The following NET1 variants were observed in gnomAD, a reference collection of about 807,000 sequenced individuals.
NET1 encodes neuroepithelial cell-transforming gene 1 protein.
NET1 carries 42 observed loss-of-function variants against 61.1 expected under a neutral mutation model. That is an observed-to-expected ratio of 0.69 (90% CI 0.54 to 0.89). The LOEUF (loss-of-function observed/expected upper bound fraction) is 0.89. Among genes scored for constraint, NET1 ranks in the 40% least tolerant of loss-of-function variants. NET1 has a pLI of 0.00. For synonymous variants in NET1, 254 were observed against 281.8 expected, an observed-to-expected ratio of 0.90 and a Z score of 0.99; for missense variants, 654 against 747.3, an observed-to-expected ratio of 0.88 and a Z score of 1.46.
In NET1 at chr10:5,454,893, G is replaced by T. The variant is rs1262625935; in HGVS notation, c.1027-55G>T. ...ATATGACATTTTTGCTCTGCAGGAAGCAGAATGAGTTAATAAACTGAAGCT... is the reference window on the plus strand; with the variant it reads ...ATATGACATTTTTGCTCTGCAGGAATCAGAATGAGTTAATAAACTGAAGCT... On this transcript the variant is annotated intron_variant, in intron 9 of 11. Transcript: ENST00000355029. The surrounding 1 kb of genome is among the most constrained non-coding windows in gnomAD (Gnocchi z 8.1). 1 of 1,551,112 alleles carries T rather than the reference G, an allele frequency of 6.4e-7. No homozygotes were observed.
Position 5,446,613 on chromosome 10 carries a change from G to T in NET1, c.256-5217G>T. The T allele has an allele frequency of 8.1e-7, 1 of 1,241,440 alleles. No homozygotes were observed. The highest frequency in any genetic ancestry group is 1.0e-6 in the Non-Finnish European group (1 of 989,324). 76.9% of individuals were successfully genotyped at this position (1,241,440 alleles called of 1,614,324 possible). ...TGCTTGCTGCCTGCGGCTCTCAGAA[G>T]CCTCTGCTCCACCGCGGCGAGAGGC... On this transcript the variant is annotated intron_variant, in intron 3 of 11. Transcript: ENST00000355029. The surrounding 1 kb of genome is among the most constrained non-coding windows in gnomAD (Gnocchi z 5.0).
rs144859001 is a variant in NET1 at position 5,437,998 on chromosome 10, ACAAT to A, written c.255+8774_255+8777del. ...TGGAAATTAAACAACACATTATTAA[ACAAT>A]CAATGAGTCAAAACAAATCACAAAG... On this transcript the variant is annotated intron_variant, in intron 3 of 11. Transcript: ENST00000355029. This position sits in a 1 kb window ranked among gnomAD's most constrained non-coding sequence, Gnocchi z 4.3. Among the ~76,000 whole-genome samples the A allele has an allele frequency of 0.026, 3,896 of 152,332 alleles. 180 individuals are homozygous for A. The highest frequency in any genetic ancestry group is 0.19 in the East Asian group (969 of 5,182).
chr10:5,412,858 G>A lies in NET1; in HGVS notation c.128+38G>A, dbSNP rs1832020050. Reference sequence around the variant, plus strand: ...GAGGGGAGGGCCGAACGGGAGGTGAGTGTAGGGGAGCGGAGGGCCGAACGG... The same window carrying A: ...GAGGGGAGGGCCGAACGGGAGGTGAATGTAGGGGAGCGGAGGGCCGAACGG... On this transcript the variant is annotated intron_variant, in intron 1 of 11. Transcript: ENST00000355029. The surrounding 1 kb of genome is among the most constrained non-coding windows in gnomAD (Gnocchi z 6.5). 7.6e-7 allele frequency: 1 copy of A among 1,313,736 alleles called. No homozygotes were observed. The highest frequency in any genetic ancestry group is 9.8e-7 in the Non-Finnish European group (1 of 1,023,984). 81.4% of individuals were successfully genotyped at this position (1,313,736 alleles called of 1,614,324 possible).
At chr10:5,436,185 GT>G (rs367798187) in intron 3 of NET1, among the ~76,000 whole-genome samples, 1,640 of 8,832 alleles carry the variant, frequency 0.19, 21 homozygotes, top group East Asian at 0.45. Flanking sequence ...GTGTGTGTGT[GT>G]TGTGTGTGTG....
At position 5,415,550 on chromosome 10, in the gene NET1, C is replaced by G. The variant is rs1365553974; in HGVS notation, c.128+2730C>G. On this transcript the variant is annotated intron_variant, in intron 1 of 11. Coordinates refer to ENST00000355029, the MANE Select transcript of NET1 (RefSeq NM_001047160.3). This position sits in a 1 kb window ranked among gnomAD's most constrained non-coding sequence, Gnocchi z 4.7. ...CGCCTCCCGGGTTCAAGTGATTCTC[C>G]TGCCTCAGCCTACCAAGTAGCTGGA... Among the ~76,000 whole-genome samples, 1 of 152,032 alleles carries G rather than the reference C, an allele frequency of 6.6e-6. No individual in the cohort carries two copies. The highest frequency in any genetic ancestry group is 1.5e-5 in the Non-Finnish European group (1 of 68,006).
chr10:5,448,662 G>A (rs1312379602), intron 3 of NET1, among the ~76,000 whole-genome samples: 1 of 97,870 alleles, frequency 1.0e-5, no homozygotes, highest in Non-Finnish European at 1.9e-5. Context: ...TTATTCCCAT[G>A]GATTTTTGGA....
rs550286010 is a variant in NET1, at chr10:5,447,985, C to A, written c.256-3845C>A. On this transcript the variant is annotated intron_variant, in intron 3 of 11. Transcript: ENST00000355029. This position sits in a 1 kb window ranked among gnomAD's most constrained non-coding sequence, Gnocchi z 4.1. Reference sequence around the variant, plus strand: ...GTTACAAGCACTAGGAATGTTGTCACGGTTTTAGATCTAGTGACACAGCTC... The same window carrying A: ...GTTACAAGCACTAGGAATGTTGTCAAGGTTTTAGATCTAGTGACACAGCTC... Among the ~76,000 whole-genome samples, 1 of 152,150 alleles carries A rather than the reference C, an allele frequency of 6.6e-6. No individual in the cohort carries two copies.
chr10:5,452,796 C>G lies in NET1; in HGVS notation c.532-62C>G. The stretch of plus-strand genomic sequence containing the variant: ...TCAAAACATCAAATAATGTAATTAT[C>G]AGTTGTATATAATTTTCCTTTCTCG... On this transcript the variant is annotated intron_variant, in intron 5 of 11. Coordinates refer to ENST00000355029, the MANE Select transcript of NET1 (RefSeq NM_001047160.3). The surrounding 1 kb of genome is among the most constrained non-coding windows in gnomAD (Gnocchi z 4.0). 1.5e-6 allele frequency: 2 copies of G among 1,356,520 alleles called. No homozygotes were observed. The highest frequency in any genetic ancestry group is 2.1e-6 in the Non-Finnish European group (2 of 963,602). The allele number at this position is 1,356,520 out of a possible 1,614,324, so 84.0% of individuals were successfully genotyped here.
intron 3 of NET1, among the ~76,000 whole-genome samples, chr10:5,445,257 G>A (rs1275042701): frequency 6.6e-6 from 1 of 151,918 alleles, no homozygotes; most frequent in African/African-American, 2.4e-5. Context: ...ATTCAAGGCC[G>A]CACAGACATA....
intron 3 of NET1, among the ~76,000 whole-genome samples, chr10:5,445,921 A>G (rs902874848): frequency 1.3e-5 from 2 of 152,222 alleles, no homozygotes; most frequent in South Asian, 2.1e-4. Flanking sequence ...TGTATACAAT[A>G]TAGAGAACAG....
Position 5,426,623 on chromosome 10 carries a change from CTT to C in NET1, c.129-30_129-29del. 2 of 1,537,974 alleles carry C rather than the reference CTT, an allele frequency of 1.3e-6. No individual in the cohort carries two copies. The highest frequency in any genetic ancestry group is 2.3e-5 in the South Asian group (2 of 86,662). On this transcript the variant is annotated intron_variant, in intron 1 of 11. Coordinates refer to ENST00000355029, the MANE Select transcript of NET1 (RefSeq NM_001047160.3). This position sits in a 1 kb window ranked among gnomAD's most constrained non-coding sequence, Gnocchi z 4.6. ...TGCTCTATTATGCTAAAGTCAATCT[CTT>C]TATTTATTGTTTGAATTTTCCATTA...
rs1232787096 is a variant in NET1 at position 5,419,733 on chromosome 10, G to GTTT, written c.128+6916_129-6917dup. Among the ~76,000 whole-genome samples, 3 of 151,828 alleles carry GTTT rather than the reference G, an allele frequency of 2.0e-5. No individual in the cohort carries two copies. The East Asian group carries it at 5.8e-4, about 29-fold the overall frequency. The stretch of plus-strand genomic sequence containing the variant: ...TGTTGTTGTTGTTGTTGTTGTTGTT[G>GTTT]TTTTTATGGGAATGTCTTTGTTTCT... On this transcript the variant is annotated intron_variant, in intron 1 of 11. Transcript: ENST00000355029.
Position 5,435,303 on chromosome 10 carries a change from T to A in NET1, c.255+6074T>A, listed in dbSNP as rs1832409977. On this transcript the variant is annotated intron_variant, in intron 3 of 11. Coordinates refer to ENST00000355029, the MANE Select transcript of NET1 (RefSeq NM_001047160.3). This position sits in a 1 kb window ranked among gnomAD's most constrained non-coding sequence, Gnocchi z 5.0. ...AGGTGATTCTCATGTATAGCTAGAG[T>A]TAAAAACTAGAATGTGACATTCTTA... 6.6e-6 allele frequency among the ~76,000 whole-genome samples: 1 copy of A among 152,186 alleles called. No homozygotes were observed. Among genetic ancestry groups the A allele is most frequent in the Admixed American group, 6.5e-5 (1 of 15,278 alleles).
chr10:5,454,550 GTTT>G lies in NET1; in HGVS notation c.1026+32_1026+34del. On this transcript the variant is annotated intron_variant, in intron 9 of 11. Transcript: ENST00000355029. This position sits in a 1 kb window ranked among gnomAD's most constrained non-coding sequence, Gnocchi z 8.1. ...AAGTAGTCCCTTAAGTGATTGTTTT[GTTT>G]TTTAAGTTTATACATTAGGCTGCTT... The G allele has an allele frequency of 1.3e-6, 2 of 1,592,204 alleles. No individual in the cohort carries two copies. Among genetic ancestry groups the G allele is most frequent in the South Asian group, 1.1e-5 (1 of 87,098 alleles).
chr10:5,413,876 G>A (rs1254887312), intron 1 of NET1, among the ~76,000 whole-genome samples: 3 of 152,172 alleles, frequency 2.0e-5, no homozygotes, highest in African/African-American at 7.2e-5. Flanking sequence ...TTATAATCTA[G>A]TGGGGAAGAA....
chr10:5,428,038 C>CCTT lies in NET1; in HGVS notation c.196-1132_196-1131insCTT, dbSNP rs767299959. On this transcript the variant is annotated intron_variant, in intron 2 of 11. Transcript: ENST00000355029. ...CACTTCTATCTGGACTTTGCCGTTC[C>CCTT]TTTTTTTTTTTTTTTTTTTTTTTTT... Among the ~76,000 whole-genome samples, 16 of 113,904 alleles carry CCTT rather than the reference C, an allele frequency of 1.4e-4. 5 individuals carry two copies. Among genetic ancestry groups the CCTT allele is most frequent in the African/African-American group, 3.7e-4 (11 of 29,352 alleles). The allele number at this position is 113,904 out of a possible 152,430, so 74.7% of individuals were successfully genotyped here. A position where few individuals can be genotyped will look rare whatever the true frequency, so the allele number is the denominator to read the frequency against.
chr10:5,448,334 A>G (rs1239780875), intron 3 of NET1, among the ~76,000 whole-genome samples: 1 of 152,234 alleles, frequency 6.6e-6, no homozygotes, highest in East Asian at 1.9e-4. Context: ...GCTGTAAGGC[A>G]TAACCTGAAA....
In NET1 at chr10:5,438,826, A is replaced by T. The variant is rs1033790814; in HGVS notation, c.255+9597A>T. Among the ~76,000 whole-genome samples the T allele has an allele frequency of 3.9e-5, 6 of 152,230 alleles. No individual in the cohort carries two copies. The South Asian group carries it at 1.2e-3, about 32-fold the overall frequency. On this transcript the variant is annotated intron_variant, in intron 3 of 11. Transcript: ENST00000355029. ...ACCATTTCTCAGCTGCTGGCAGGTT[A>T]GGCATTCACCAGTGGCAGTGACTAA...
At chr10:5,414,897 G>A (rs1403030215) in intron 1 of NET1, among the ~76,000 whole-genome samples, 3 of 152,152 alleles carry the variant, frequency 2.0e-5, no homozygotes, top group African/African-American at 7.2e-5. Context: ...TTTCCCACCA[G>A]GCCTCTATTT....
Sources: allele counts gnomAD v4.1 joint callset (sites outside exome capture counted in the v4.1 genomes callset), GRCh38; gene constraint gnomAD v4.1.1; non-coding constraint Gnocchi (gnomAD v3.1); transcripts MANE v1.5; gene names NCBI Gene and HGNC (gene_info 2026-07-23, HGNC 2026-07-21).